CNTN5: variants seen among roughly 807,000 people sequenced by gnomAD.
The protein encoded by CNTN5 is contactin 5, also known as contactin-5.
A neutral mutation model predicts 129.1 loss-of-function variants in CNTN5; 77 were observed. The observed-to-expected ratio is 0.60, with a 90% CI of 0.50 to 0.72. CNTN5 has a LOEUF of 0.72. CNTN5 is among the 30% of genes least tolerant of loss of function. The pLI is 0.00. For missense variants in CNTN5, 1,478 were observed against 1,328.8 expected (o/e 1.11, Z -1.75); for synonymous variants, 509 against 465.6 (o/e 1.09, Z -1.20).
At chr11:99,358,221 T>G (rs1304403015) in intron 2 of CNTN5, among the ~76,000 whole-genome samples, 1 of 116,564 alleles carries the variant, frequency 8.6e-6, no homozygotes, top group Non-Finnish European at 1.8e-5. Context: ...CCCAAGTAGC[T>G]GGGACTACAG....
At chr11:99,778,444 C>G (rs1198944885) in intron 3 of CNTN5, among the ~76,000 whole-genome samples, 1 of 151,730 alleles carries the variant, frequency 6.6e-6, no homozygotes, top group Non-Finnish European at 1.5e-5. Flanking sequence ...CTATTATATG[C>G]TTTTTAAAAA....
At chr11:99,341,089 T>C (rs146181791) in intron 2 of CNTN5, among the ~76,000 whole-genome samples, 102 of 152,278 alleles carry the variant, frequency 6.7e-4, no homozygotes, top group African/African-American at 2.5e-3. Context: ...ATACCTTTTG[T>C]AAATTAGATA....
rs1171466754 is a variant in CNTN5, at chr11:99,826,945, A to AT, written c.277+7182dup. 2.0e-5 allele frequency among the ~76,000 whole-genome samples: 3 copies of AT among 152,288 alleles called. No individual in the cohort carries two copies. In the East Asian group the frequency reaches 5.8e-4, roughly 29 times the overall value. ...ACATTTATAAAGGAAAAAACTGATAATTATTTCAAGGAAAGCAGTAGTAGC... is the reference window on the plus strand; with the variant it reads ...ACATTTATAAAGGAAAAAACTGATAATTTATTTCAAGGAAAGCAGTAGTAGC... On this transcript the variant is annotated intron_variant, in intron 4 of 24. Coordinates refer to ENST00000524871, the MANE Select transcript of CNTN5 (RefSeq NM_014361.4).
intron 1 of CNTN5, among the ~76,000 whole-genome samples, chr11:99,079,879 C>T (rs1865721506): frequency 1.3e-5 from 2 of 152,182 alleles, no homozygotes; most frequent in Admixed American, 1.3e-4. Flanking sequence ...CTTTCTGCCA[C>T]CATTGCTTCT....
chr11:100,049,973 C>A (rs1942872261), intron 9 of CNTN5, among the ~76,000 whole-genome samples: 1 of 152,118 alleles, frequency 6.6e-6, no homozygotes, highest in African/African-American at 2.4e-5. Flanking sequence ...AGTCAGGAAA[C>A]AACAGGTGCT....
At chr11:99,422,546 A>C (rs185138383) in intron 2 of CNTN5, among the ~76,000 whole-genome samples, 1 of 116,732 alleles carries the variant, frequency 8.6e-6, no homozygotes, top group Non-Finnish European at 1.8e-5. Context: ...ATATATATAT[A>C]TATATATATA....
chr11:99,476,908 T>G (rs1261769630), intron 2 of CNTN5, among the ~76,000 whole-genome samples: 1 of 152,078 alleles, frequency 6.6e-6, no homozygotes, highest in Non-Finnish European at 1.5e-5. Flanking sequence ...TGTTATCTCT[T>G]CCCGTTTCCT....
At chr11:100,007,698 A>T (rs1940280736) in intron 9 of CNTN5, among the ~76,000 whole-genome samples, 1 of 152,068 alleles carries the variant, frequency 6.6e-6, no homozygotes, top group South Asian at 2.1e-4. Flanking sequence ...CCAGACCATT[A>T]AAACTTTCTT....
intron 13 of CNTN5, among the ~76,000 whole-genome samples, chr11:100,148,874 A>G (rs1245595178): frequency 6.6e-6 from 1 of 152,050 alleles, no homozygotes; most frequent in Non-Finnish European, 1.5e-5. Context: ...AGTAATAAAT[A>G]TTTTGGCAGC....
chr11:100,089,687 C>T (rs572696024), intron 13 of CNTN5, among the ~76,000 whole-genome samples: 1 of 152,216 alleles, frequency 6.6e-6, no homozygotes, highest in Admixed American at 6.5e-5. Context: ...AAACATGGTA[C>T]ATATACGTCA....
chr11:99,127,869 A>G (rs886071620), intron 1 of CNTN5, among the ~76,000 whole-genome samples: 4 of 152,166 alleles, frequency 2.6e-5, no homozygotes, highest in Non-Finnish European at 4.4e-5. Flanking sequence ...ATGGAGTAAG[A>G]TTCAATAATT....
intron 7 of CNTN5, among the ~76,000 whole-genome samples, chr11:99,933,861 T>C (rs1302826508): frequency 2.0e-5 from 3 of 152,222 alleles, no homozygotes; most frequent in Non-Finnish European, 4.4e-5. Flanking sequence ...ATAAAGCTGC[T>C]ATGGGATTAG....
chr11:100,074,316 C>G, intron 13 of CNTN5, 22 bp downstream of exon 13: 4 of 1,554,838 alleles, frequency 2.6e-6, no homozygotes, highest in Admixed American at 2.0e-5. Context: ...TTTTATAATT[C>G]AAGTTCAACA....
At chr11:100,037,847 A>C (rs1368828259) in intron 9 of CNTN5, among the ~76,000 whole-genome samples, 1 of 151,486 alleles carries the variant, frequency 6.6e-6, no homozygotes, top group African/African-American at 2.4e-5. Flanking sequence ...CATCAATTTG[A>C]TTCTTCTCTC....
Position 99,393,545 on chromosome 11 carries a change from A to G in CNTN5, c.-71+68061A>G, listed in dbSNP as rs189587639. Among the ~76,000 whole-genome samples the G allele has an allele frequency of 3.9e-5, 6 of 151,910 alleles. No individual in the cohort carries two copies. The East Asian group carries it at 1.2e-3, about 29-fold the overall frequency. ...AGTCAAAGTCACACAGCTTGTAGAT[A>G]GTGGAGTTGGGATTCAAACCTCAGT... On this transcript the variant is annotated intron_variant, in intron 2 of 24. Coordinates refer to ENST00000524871, the MANE Select transcript of CNTN5 (RefSeq NM_014361.4).
At chr11:99,349,886 A>G (rs1372069735) in intron 2 of CNTN5, among the ~76,000 whole-genome samples, 3 of 152,196 alleles carry the variant, frequency 2.0e-5, no homozygotes, top group African/African-American at 7.2e-5. Context: ...CTGATTTTAG[A>G]AAGAAGATAT....
intron 1 of CNTN5, among the ~76,000 whole-genome samples, chr11:99,127,014 T>C (rs183958427): frequency 4.6e-5 from 7 of 152,318 alleles, no homozygotes; most frequent in Admixed American, 4.6e-4. Context: ...CATTACTATC[T>C]ATGTATTGAT....
intron 2 of CNTN5, among the ~76,000 whole-genome samples, chr11:99,328,974 G>A (rs1865898258): frequency 6.6e-6 from 1 of 151,782 alleles, no homozygotes; most frequent in Non-Finnish European, 1.5e-5. Context: ...AAGTTGGTGT[G>A]AAACATTGTA....
intron 1 of CNTN5, among the ~76,000 whole-genome samples, chr11:99,322,987 A>C (rs1591521497): frequency 6.6e-6 from 1 of 152,300 alleles, no homozygotes; most frequent in African/African-American, 2.4e-5. Context: ...CTTTTTCAGT[A>C]AGTCGCCTAC....
Sources: allele counts gnomAD v4.1 joint callset (sites outside exome capture counted in the v4.1 genomes callset), GRCh38; gene constraint gnomAD v4.1.1; transcripts MANE v1.5; gene names NCBI Gene and HGNC (gene_info 2026-07-23, HGNC 2026-07-21).